The following MYO16 variants were observed in gnomAD, a reference collection of about 807,000 sequenced individuals.
MYO16 encodes myosin XVI, also known as unconventional myosin-XVI.
In MYO16, 94 loss-of-function variants were observed where a neutral mutation model predicts 205.3. The ratio of observed to expected loss-of-function variants is 0.46; its 90% confidence interval spans 0.39 to 0.54. The LOEUF (loss-of-function observed/expected upper bound fraction) is 0.54. Among genes scored for constraint, MYO16 ranks in the 20% least tolerant of loss-of-function variants. The probability of loss-of-function intolerance (pLI) is 0.00; values close to 1 mark genes in which losing one functional copy is unlikely to be tolerated. For synonymous variants in MYO16, 988 were observed against 954.0 expected, an observed-to-expected ratio of 1.04 and a Z score of -0.66; for missense variants, 2,315 against 2,387.5, an observed-to-expected ratio of 0.97 and a Z score of 0.63.
chr13:108,994,058 T>G (rs1884925482), intron 21 of MYO16, among the ~76,000 whole-genome samples: 1 of 152,192 alleles, frequency 6.6e-6, no homozygotes, highest in South Asian at 2.1e-4. Context: ...CGTGCAAAAC[T>G]TTTAAGTTAT....
chr13:108,974,147 G>A (rs1884164576), intron 20 of MYO16, among the ~76,000 whole-genome samples: 3 of 152,156 alleles, frequency 2.0e-5, no homozygotes, highest in Admixed American at 2.0e-4. Context: ...AATTCAGTTT[G>A]TATACTATTA....
chr13:108,730,425 T>C (rs1884483983), intron 4 of MYO16, among the ~76,000 whole-genome samples: 1 of 152,162 alleles, frequency 6.6e-6, no homozygotes, highest in Non-Finnish European at 1.5e-5. Context: ...AACAGGCTAA[T>C]ACAGCATAAT....
chr13:108,630,142 GAAA>G (rs76743419), intron 1 of MYO16, among the ~76,000 whole-genome samples: 5,206 of 126,308 alleles, frequency 0.041, 129 homozygotes, highest in South Asian at 0.14. Flanking sequence ...ACAGCAACCA[GAAA>G]AAAAAAAAAA....
At chr13:108,588,420 A>C in the MYO16 span, among the ~76,000 whole-genome samples, 4 of 152,162 alleles carry the variant, frequency 2.6e-5, no homozygotes, top group Non-Finnish European at 5.9e-5. Context: ...CATACATAAA[A>C]CATCGTTTCC....
the MYO16 span, among the ~76,000 whole-genome samples, chr13:108,587,768 A>G: frequency 6.6e-6 from 1 of 152,160 alleles, no homozygotes; most frequent in East Asian, 1.9e-4. Context: ...CCAAGCCATC[A>G]AACTCTACTT....
At chr13:109,088,456 T>C (rs1888510238) in intron 27 of MYO16, among the ~76,000 whole-genome samples, 2 of 152,140 alleles carry the variant, frequency 1.3e-5, no homozygotes, top group Non-Finnish European at 2.9e-5. Context: ...CTCGAGAGTA[T>C]TGTCATGTAA....
intron 20 of MYO16, among the ~76,000 whole-genome samples, chr13:108,989,775 T>C (rs79620603): frequency 0.022 from 3,277 of 152,250 alleles, 48 homozygotes; most frequent in South Asian, 0.049. Context: ...TCAGAAAAAG[T>C]ATATAGGAAA....
chr13:108,800,989 G>T (rs1052606248), intron 6 of MYO16, among the ~76,000 whole-genome samples: 19 of 152,122 alleles, frequency 1.2e-4, no homozygotes, highest in African/African-American at 4.1e-4. Context: ...ACACAGAAAT[G>T]TTAATATCGT....
chr13:109,047,087 G>A (rs1887069805), intron 24 of MYO16, 96 bp downstream of exon 24: 1 of 932,752 alleles, frequency 1.1e-6, no homozygotes, highest in Non-Finnish European at 1.7e-6. Context: ...TATGCTACCA[G>A]CTAAAGCATA....
chr13:108,566,665 A>AGAAGGAAG, the MYO16 span, among the ~76,000 whole-genome samples: 1 of 149,778 alleles, frequency 6.7e-6, no homozygotes, highest in Non-Finnish European at 1.5e-5. Context: ...AAAGAAGGAA[A>AGAAGGAAG]GAAGGAAGGA....
chr13:108,549,676 G>T, the MYO16 span, among the ~76,000 whole-genome samples: 2 of 152,112 alleles, frequency 1.3e-5, no homozygotes, highest in South Asian at 4.2e-4. Context: ...AGTTATATTT[G>T]GTGGGTTAAT....
chr13:109,086,452 AT>A (rs1888437633), intron 27 of MYO16, among the ~76,000 whole-genome samples: 2 of 152,238 alleles, frequency 1.3e-5, no homozygotes, highest in African/African-American at 4.8e-5. Context: ...ATTAGTGGAT[AT>A]TAAGAGATGA....
the MYO16 span, among the ~76,000 whole-genome samples, chr13:108,527,574 G>T: frequency 2.0e-5 from 3 of 152,138 alleles, no homozygotes; most frequent in East Asian, 5.8e-4. Flanking sequence ...ACTCATTAAA[G>T]AAATCATTTT....
chr13:108,863,523 T>C (rs1878556018), intron 11 of MYO16, among the ~76,000 whole-genome samples: 1 of 152,146 alleles, frequency 6.6e-6, no homozygotes. Context: ...AAACCAACCT[T>C]GCATTTCTAG....
intron 1 of MYO16, among the ~76,000 whole-genome samples, chr13:108,621,694 T>C (rs962477401): frequency 2.0e-5 from 3 of 152,108 alleles, no homozygotes. Flanking sequence ...GTTAGGTCAA[T>C]AGTAGCCTGC....
chr13:109,061,086 C>G (rs1426905353), intron 27 of MYO16, among the ~76,000 whole-genome samples: 2 of 144,476 alleles, frequency 1.4e-5, no homozygotes, highest in Non-Finnish European at 3.0e-5. Context: ...TGTTATCTTC[C>G]AGCATTTTTC....
intron 2 of MYO16, among the ~76,000 whole-genome samples, chr13:108,675,598 A>G (rs911837197): frequency 6.6e-6 from 1 of 152,180 alleles, no homozygotes; most frequent in African/African-American, 2.4e-5. Flanking sequence ...GGAAAGATGC[A>G]CCATTCATTA....
intron 11 of MYO16, among the ~76,000 whole-genome samples, chr13:108,856,692 G>T (rs1228472970): frequency 6.6e-6 from 1 of 151,204 alleles, no homozygotes; most frequent in Non-Finnish European, 1.5e-5. Context: ...AATTTCTTTT[G>T]TCTTTCTTTA....
At chr13:108,736,683 G>C (rs1169427135) in intron 4 of MYO16, among the ~76,000 whole-genome samples, 3 of 152,314 alleles carry the variant, frequency 2.0e-5, no homozygotes, top group East Asian at 1.9e-4. Context: ...TCTGAAGAGA[G>C]TCATTGGTAG....
Sources: allele counts gnomAD v4.1 joint callset (sites outside exome capture counted in the v4.1 genomes callset), GRCh38; gene constraint gnomAD v4.1.1; transcripts MANE v1.5; gene names NCBI Gene and HGNC (gene_info 2026-07-23, HGNC 2026-07-21).